MAPK8: variants seen among roughly 807,000 people sequenced by gnomAD.
MAPK8 encodes mitogen-activated protein kinase 8, also known as JUN N-terminal kinase.
In MAPK8, 13 loss-of-function variants were observed where a neutral mutation model predicts 52.9. The ratio of observed to expected loss-of-function variants is 0.25; its 90% CI spans 0.16 to 0.39. MAPK8 has a LOEUF of 0.39. Ranked by LOEUF, MAPK8 falls within the 10% of genes least tolerant of loss-of-function variation. The pLI is 1.00. For missense variants in MAPK8, 300 were observed against 519.2 expected (o/e 0.58, Z 4.10); for synonymous variants, 191 against 169.8 (o/e 1.12, Z -0.97).
intron 1 of MAPK8, among the ~76,000 whole-genome samples, chr10:48,377,331 A>G (rs1018147077): frequency 2.0e-5 from 3 of 150,210 alleles, no homozygotes; most frequent in African/African-American, 7.4e-5. Flanking sequence ...CACATTCTGC[A>G]CATGTACCCC....
intron 1 of MAPK8, among the ~76,000 whole-genome samples, chr10:48,318,468 T>C (rs1842706759): frequency 6.6e-6 from 1 of 152,184 alleles, no homozygotes; most frequent in African/African-American, 2.4e-5. Context: ...ACTAGAATGC[T>C]TATTGTGTGG....
In MAPK8 at chr10:48,322,473, C is replaced by G. The variant is rs184527346; in HGVS notation, c.-50+15652C>G. Among the ~76,000 whole-genome samples the G allele has an allele frequency of 1.2e-3, 190 of 152,270 alleles. 1 individual carries two copies. Among genetic ancestry groups the G allele is most frequent in the African/African-American group, 4.4e-3 (182 of 41,536 alleles). On this transcript the variant is annotated intron_variant, in intron 1 of 11. Coordinates refer to ENST00000374189, the MANE Select transcript of MAPK8 (RefSeq NM_001323329.2). ...ACTTTGGCAGGAGGCAAGCTAGTGGCACTAGCAATCCCGAATCATCTTAAT... is the reference window on the plus strand; with the variant it reads ...ACTTTGGCAGGAGGCAAGCTAGTGGGACTAGCAATCCCGAATCATCTTAAT...
intron 7 of MAPK8, 187 bp from the exon 8 acceptor site, chr10:48,425,701 G>A: frequency 2.3e-6 from 1 of 443,758 alleles, no homozygotes; most frequent in Non-Finnish European, 4.0e-6. Context: ...GGTTAATAAA[G>A]CTTATTTATT....
chr10:48,354,554 G>A (rs1846660931), intron 1 of MAPK8, among the ~76,000 whole-genome samples: 1 of 152,112 alleles, frequency 6.6e-6, no homozygotes, highest in African/African-American at 2.4e-5. Context: ...AAGATTGCTG[G>A]GCAACATCCC....
chr10:48,350,623 A>G (rs927324762), intron 1 of MAPK8, among the ~76,000 whole-genome samples: 2 of 152,230 alleles, frequency 1.3e-5, no homozygotes, highest in Non-Finnish European at 2.9e-5. Context: ...ATCTCAAAAT[A>G]GTAAAAGCTG....
intron 1 of MAPK8, among the ~76,000 whole-genome samples, chr10:48,375,623 C>T (rs2040611647): frequency 1.3e-5 from 2 of 152,116 alleles, no homozygotes; most frequent in South Asian, 2.1e-4. Flanking sequence ...TGAGTGAACT[C>T]CCATTCACAG....
intron 1 of MAPK8, among the ~76,000 whole-genome samples, chr10:48,367,497 C>T (rs1848159525): frequency 6.6e-6 from 1 of 151,708 alleles, no homozygotes; most frequent in South Asian, 2.1e-4. Context: ...GTAATGAAAG[C>T]ATTCTAAAAG....
At chr10:48,428,824 T>G (rs962231338) in intron 10 of MAPK8, among the ~76,000 whole-genome samples, 3 of 151,854 alleles carry the variant, frequency 2.0e-5, no homozygotes, top group Non-Finnish European at 4.4e-5. Flanking sequence ...GTTTTTTTTG[T>G]TTGTTTGTTT....
At chr10:48,376,969 A>G (rs1052695715) in intron 1 of MAPK8, among the ~76,000 whole-genome samples, 10 of 152,220 alleles carry the variant, frequency 6.6e-5, no homozygotes, top group African/African-American at 1.9e-4. Context: ...AACCAACCCA[A>G]ATGCCCAACA....
intron 3 of MAPK8, among the ~76,000 whole-genome samples, chr10:48,407,980 T>C (rs907760940): frequency 1.3e-5 from 2 of 152,344 alleles, no homozygotes; most frequent in East Asian, 3.9e-4. Flanking sequence ...TGCTTTCTTA[T>C]TATCATTTCC....
intron 6 of MAPK8, among the ~76,000 whole-genome samples, chr10:48,420,977 T>C (rs565645514): frequency 4.6e-5 from 7 of 152,364 alleles, no homozygotes; most frequent in African/African-American, 1.2e-4. Context: ...TACCTACTTA[T>C]ATTTAATTTA....
chr10:48,337,319 G>A (rs1478261664), intron 1 of MAPK8, among the ~76,000 whole-genome samples: 1 of 152,088 alleles, frequency 6.6e-6, no homozygotes, highest in Non-Finnish European at 1.5e-5. Flanking sequence ...AACTCTGAAA[G>A]CCACGTAAGT....
At position 48,436,232 on chromosome 10, in the gene MAPK8, C is replaced by T. The variant is rs1219884509; in HGVS notation, c.*1203C>T. 2.0e-5 allele frequency: 3 copies of T among 152,190 alleles called. No individual in the cohort carries two copies. Among genetic ancestry groups the T allele is most frequent in the African/African-American group, 7.2e-5 (3 of 41,438 alleles). The allele number at this position is 152,190 out of a possible 1,614,324, so 9.4% of individuals were successfully genotyped here. ...GTTTCTTCACATTGAGCAGAGCAGG[C>T]ATAAATGGTGGTTATTTAGTCTAAG... On this transcript the variant is annotated 3_prime_UTR_variant, in exon 12 of 12. Transcript: ENST00000374189.
Position 48,438,080 on chromosome 10 carries a change from T to G in MAPK8, c.*3051T>G, listed in dbSNP as rs969756783. 1 of 152,230 alleles carries G rather than the reference T, an allele frequency of 6.6e-6. No homozygotes were observed. The highest frequency in any genetic ancestry group is 1.5e-5 in the Non-Finnish European group (1 of 68,046). The allele number at this position is 152,230 out of a possible 1,614,324, so 9.4% of individuals were successfully genotyped here. A position where few individuals can be genotyped will look rare whatever the true frequency, so the allele number is the denominator to read the frequency against. On this transcript the variant is annotated 3_prime_UTR_variant, in exon 12 of 12. Transcript: ENST00000374189. ...TGCCTAGGCATTCGCCTGCACAACATTTTGAGGTTAGAACATAGAATATTT... is the reference window on the plus strand; with the variant it reads ...TGCCTAGGCATTCGCCTGCACAACAGTTTGAGGTTAGAACATAGAATATTT...
intron 5 of MAPK8, among the ~76,000 whole-genome samples, chr10:48,415,909 A>G (rs888192025): frequency 2.0e-5 from 3 of 152,180 alleles, no homozygotes; most frequent in Admixed American, 6.5e-5. Flanking sequence ...TCTGTAGAAA[A>G]TTTCTTAATG....
In MAPK8 at chr10:48,344,105, G is replaced by A. The variant is rs1353898943; in HGVS notation, c.-50+37284G>A. 2.0e-5 allele frequency among the ~76,000 whole-genome samples: 3 copies of A among 152,066 alleles called. No homozygotes were observed. The East Asian group carries it at 5.8e-4, about 29-fold the overall frequency. ...CTTAAGGAATGCAAATGAAATAGTT[G>A]GTAAAATAGAACAATATCAGAGTAA... On this transcript the variant is annotated intron_variant, in intron 1 of 11. Transcript: ENST00000374189.
chr10:48,354,011 C>T (rs1846595964), intron 1 of MAPK8, among the ~76,000 whole-genome samples: 1 of 152,152 alleles, frequency 6.6e-6, no homozygotes, highest in South Asian at 2.1e-4. Context: ...CATAGCTATA[C>T]ACACACACTG....
At chr10:48,413,817 A>T (rs1462390363) in intron 5 of MAPK8, among the ~76,000 whole-genome samples, 18 of 55,420 alleles carry the variant, frequency 3.2e-4, no homozygotes, top group African/African-American at 9.4e-4. Flanking sequence ...CAGAATTGTT[A>T]TATATATATA....
chr10:48,397,155 CTTT>C (rs200191115), intron 1 of MAPK8, among the ~76,000 whole-genome samples: 1 of 144,248 alleles, frequency 6.9e-6, no homozygotes. Context: ...TTTGTATAAC[CTTT>C]TTTTTTTTTT....
Sources: gnomAD v4.1 joint callset for allele counts (sites outside exome capture counted in the v4.1 genomes callset) on GRCh38, gnomAD v4.1.1 for gene constraint, MANE v1.5 for transcripts, NCBI Gene and HGNC (gene_info 2026-07-23, HGNC 2026-07-21) for gene names.